The following FARS2 variants were observed in gnomAD, a reference collection of about 807,000 sequenced individuals.
FARS2 encodes phenylalanine--tRNA ligase, mitochondrial.
Under a neutral mutation model 46.4 loss-of-function variants are expected in FARS2, and 40 were observed. The observed-to-expected ratio is 0.86, with a 90% CI of 0.67 to 1.12. The LOEUF is 1.12. FARS2 is among the 50% of genes most tolerant of loss of function. The pLI is 0.00. For missense variants in FARS2, 513 were observed against 567.9 expected (o/e 0.90, Z 0.98); for synonymous variants, 234 against 214.9 (o/e 1.09, Z -0.78).
chr6:5,491,138 G>A (rs2150360911), intron 4 of FARS2, among the ~76,000 whole-genome samples: 1 of 152,264 alleles, frequency 6.6e-6, no homozygotes, highest in Non-Finnish European at 1.5e-5. Flanking sequence ...TTATGTGATG[G>A]CACTTACTGT....
intron 6 of FARS2, among the ~76,000 whole-genome samples, chr6:5,719,716 G>A (rs1172598751): frequency 6.6e-6 from 1 of 152,180 alleles, no homozygotes; most frequent in African/African-American, 2.4e-5. Flanking sequence ...TCATTGGTGT[G>A]ACACTAACAG....
At chr6:5,654,645 G>A (rs1289708023) in intron 6 of FARS2, among the ~76,000 whole-genome samples, 1 of 152,138 alleles carries the variant, frequency 6.6e-6, no homozygotes, top group East Asian at 1.9e-4. Context: ...CATACTACCT[G>A]TGTATGTCGG....
At chr6:5,362,724 C>T (rs1359771780) in intron 1 of FARS2, among the ~76,000 whole-genome samples, 1 of 152,084 alleles carries the variant, frequency 6.6e-6, no homozygotes, top group Non-Finnish European at 1.5e-5. Context: ...CCTTTTTCTC[C>T]ACATCCTCAC....
intron 2 of FARS2, among the ~76,000 whole-genome samples, chr6:5,381,370 AACACACAC>A (rs3057175): frequency 7.5e-6 from 1 of 132,988 alleles, no homozygotes; most frequent in Non-Finnish European, 1.5e-5. Flanking sequence ...ACTCCCCAGA[AACACACAC>A]ACACACACAC....
At position 5,377,318 on chromosome 6, in the gene FARS2, C is replaced by G. The variant is rs183458359; in HGVS notation, c.612+8136C>G. Among the ~76,000 whole-genome samples the G allele has an allele frequency of 2.0e-4, 31 of 152,276 alleles. 1 individual carries two copies. The South Asian group carries it at 6.0e-3, about 30-fold the overall frequency. On this transcript the variant is annotated intron_variant, in intron 2 of 6. Transcript: ENST00000274680. ...GCCCTGAGGATGGACAGAGGAGTTGCGTGAGAGACAGGCATTCCGCAGGTT... is the reference window on the plus strand; with the variant it reads ...GCCCTGAGGATGGACAGAGGAGTTGGGTGAGAGACAGGCATTCCGCAGGTT...
chr6:5,694,386 CT>C (rs1757963373), intron 6 of FARS2, among the ~76,000 whole-genome samples: 1 of 152,088 alleles, frequency 6.6e-6, no homozygotes, highest in African/African-American at 2.4e-5. Flanking sequence ...TCTAGGCTAC[CT>C]TTTTTCCTGA....
At chr6:5,559,963 TATTTATA>T (rs1294154053) in intron 5 of FARS2, among the ~76,000 whole-genome samples, 30 of 152,128 alleles carry the variant, frequency 2.0e-4, no homozygotes, top group African/African-American at 7.0e-4. Context: ...CTTGACCCCA[TATTTATA>T]ATTGTTCAAA....
At chr6:5,490,538 C>A (rs558731042) in intron 4 of FARS2, among the ~76,000 whole-genome samples, 8 of 152,210 alleles carry the variant, frequency 5.3e-5, no homozygotes, top group Non-Finnish European at 1.0e-4. Flanking sequence ...CCCCAGTGAT[C>A]GCTGCTTCCT....
rs148973116 is a variant in FARS2, at chr6:5,545,211, T to C, written c.936T>C (p.Phe312=). The C allele has an allele frequency of 1.9e-6, 3 of 1,613,998 alleles. No homozygotes were observed. The highest frequency in any genetic ancestry group is 2.7e-5 in the African/African-American group (2 of 75,048). ...CTCAAGACCGAATCGGCTGGGCTTT[T>C]GGCCTAGGATTAGAAAGGCTAGCCA... ...AGAQDRIGWA[F]GLGLERLAMI... Residue 312 remains phenylalanine (F), a synonymous_variant, in exon 5 of 7, where the codon TTT becomes TTC. Transcript: ENST00000274680.
chr6:5,687,649 T>C (rs913080027), intron 6 of FARS2, among the ~76,000 whole-genome samples: 1 of 152,218 alleles, frequency 6.6e-6, no homozygotes, highest in Admixed American at 6.5e-5. Context: ...TCCAGCTTTG[T>C]TCTTTTGGTT....
intron 1 of FARS2, among the ~76,000 whole-genome samples, chr6:5,317,493 A>C (rs893648917): frequency 5.3e-5 from 8 of 152,186 alleles, no homozygotes; most frequent in African/African-American, 1.9e-4. Context: ...AATTAATACC[A>C]GGCCAGGCTG....
intron 1 of FARS2, among the ~76,000 whole-genome samples, chr6:5,275,082 G>A (rs1175865687): frequency 7.9e-5 from 12 of 152,172 alleles, no homozygotes; most frequent in African/African-American, 2.7e-4. Context: ...TCTTTATTTG[G>A]AATTTATTAT....
At chr6:5,573,308 A>G (rs950269173) in intron 5 of FARS2, among the ~76,000 whole-genome samples, 4 of 152,202 alleles carry the variant, frequency 2.6e-5, no homozygotes, top group Non-Finnish European at 4.4e-5. Flanking sequence ...ATTGAAAACA[A>G]TAGGCAACTT....
chr6:5,573,411 C>T (rs527457908), intron 5 of FARS2, among the ~76,000 whole-genome samples: 13 of 152,230 alleles, frequency 8.5e-5, no homozygotes, highest in South Asian at 2.1e-4. Flanking sequence ...CACACACACA[C>T]GCGTGCGTGC....
intron 1 of FARS2, among the ~76,000 whole-genome samples, chr6:5,349,493 T>C (rs1013214408): frequency 2.6e-5 from 4 of 152,198 alleles, no homozygotes; most frequent in Admixed American, 2.6e-4. Flanking sequence ...GTTAAAATGA[T>C]TAAACTTACT....
rs894204080 is a variant in FARS2, at chr6:5,764,392, C to T, written c.1218-6899C>T. On this transcript the variant is annotated intron_variant, in intron 6 of 6. Transcript: ENST00000274680. The surrounding 1 kb of genome is among the most constrained non-coding windows in gnomAD (Gnocchi z 4.1). ...CTCCTGCCTTACTGTGCCTCTTGCC[C>T]GAGTCCAGCCCTACCCACTAAAGCA... Among the ~76,000 whole-genome samples the T allele has an allele frequency of 2.0e-5, 3 of 152,066 alleles. No individual in the cohort carries two copies. Among genetic ancestry groups the T allele is most frequent in the Non-Finnish European group, 2.9e-5 (2 of 68,012 alleles).
chr6:5,461,331 C>T lies in FARS2; in HGVS notation c.904+30159C>T, dbSNP rs573322273. On this transcript the variant is annotated intron_variant, in intron 4 of 6. Coordinates refer to ENST00000274680, the MANE Select transcript of FARS2 (RefSeq NM_006567.5). ...CGGAGATTACAGGCATGAGCCACCA[C>T]GCCTGGCCCAGATATTTTAATTTCT... Among the ~76,000 whole-genome samples the T allele has an allele frequency of 3.9e-5, 6 of 152,200 alleles. No individual in the cohort carries two copies. In the South Asian group the frequency reaches 6.2e-4, roughly 16 times the overall value.
chr6:5,419,484 TTC>T (rs1762424005), intron 3 of FARS2, among the ~76,000 whole-genome samples: 1 of 97,250 alleles, frequency 1.0e-5, no homozygotes. Context: ...TCTTTACCGT[TTC>T]TCTGTTTTCT....
chr6:5,501,136 T>A (rs1252166900), intron 4 of FARS2, among the ~76,000 whole-genome samples: 1 of 151,866 alleles, frequency 6.6e-6, no homozygotes, highest in African/African-American at 2.4e-5. Context: ...AAACATGATA[T>A]GAATGAACAT....
Sources: gnomAD v4.1 joint callset for allele counts (sites outside exome capture counted in the v4.1 genomes callset) on GRCh38, gnomAD v4.1.1 for gene constraint, Gnocchi (gnomAD v3.1) non-coding constraint, MANE v1.5 for transcripts, NCBI Gene and HGNC (gene_info 2026-07-23, HGNC 2026-07-21) for gene names.